Variants in ZC2HC1B observed in about 807,000 individuals in gnomAD.
The protein encoded by ZC2HC1B is zinc finger C2HC domain-containing protein 1B.
In ZC2HC1B, 36 loss-of-function variants were observed where a neutral mutation model predicts 31.0. The ratio of observed to expected loss-of-function variants is 1.16; its 90% CI spans 0.89 to 1.54. The LOEUF (loss-of-function observed/expected upper bound fraction) is 1.54, where lower values mean the gene tolerates loss of function less well. Among genes scored for constraint, ZC2HC1B ranks in the 40% most tolerant of loss-of-function variants. The pLI is 0.00. For missense variants in ZC2HC1B, 260 were observed against 268.6 expected, an observed-to-expected ratio of 0.97 and a Z score of 0.22; for synonymous variants, 73 against 88.0, an observed-to-expected ratio of 0.83 and a Z score of 0.95.
intron 5 of ZC2HC1B, 58 bp from the exon 6 acceptor site, chr6:143,902,986 G>C: frequency 1.4e-6 from 2 of 1,478,926 alleles, no homozygotes; most frequent in South Asian, 1.2e-5. Context: ...CTCCTATGTG[G>C]CACCTGAGGT....
intron 1 of ZC2HC1B, among the ~76,000 whole-genome samples, chr6:143,879,122 A>T (rs1237086009): frequency 6.6e-6 from 1 of 152,146 alleles, no homozygotes; most frequent in Non-Finnish European, 1.5e-5. Context: ...CGCCTGCCTC[A>T]GTTTTAGAGG....
intron 6 of ZC2HC1B, among the ~76,000 whole-genome samples, chr6:143,931,369 G>C (rs1456127108): frequency 6.6e-6 from 1 of 152,132 alleles, no homozygotes; most frequent in Non-Finnish European, 1.5e-5. Context: ...CAAATACCTT[G>C]TGGGTTTTTT....
chr6:143,935,129 G>C (rs1279072428), intron 6 of ZC2HC1B, among the ~76,000 whole-genome samples: 2 of 104,224 alleles, frequency 1.9e-5, no homozygotes, highest in Non-Finnish European at 3.8e-5. Context: ...GGACGCTGCA[G>C]ATGCTGGTGG....
chr6:143,920,811 G>A (rs577523744), intron 6 of ZC2HC1B, among the ~76,000 whole-genome samples: 4 of 151,708 alleles, frequency 2.6e-5, no homozygotes, highest in Non-Finnish European at 5.9e-5. Context: ...GGGAGGCTGA[G>A]GCAGGAGAAT....
At chr6:143,930,598 C>T (rs1043250483) in intron 6 of ZC2HC1B, among the ~76,000 whole-genome samples, 2 of 151,984 alleles carry the variant, frequency 1.3e-5, no homozygotes, top group Admixed American at 6.5e-5. Flanking sequence ...ACCGTGGTCT[C>T]GATCTCCTGA....
At chr6:143,931,627 T>G (rs1778119599) in intron 6 of ZC2HC1B, among the ~76,000 whole-genome samples, 1 of 152,180 alleles carries the variant, frequency 6.6e-6, no homozygotes, top group Non-Finnish European at 1.5e-5. Context: ...CTGGCAATTA[T>G]TTTGTTTGAG....
intron 6 of ZC2HC1B, among the ~76,000 whole-genome samples, chr6:143,916,003 G>A (rs1414630870): frequency 6.6e-6 from 1 of 152,220 alleles, no homozygotes; most frequent in African/African-American, 2.4e-5. Context: ...CCAAGACAAT[G>A]AGGAAAATGT....
Position 143,934,945 on chromosome 6 carries a change from C to T in ZC2HC1B, c.599-2704C>T, listed in dbSNP as rs1562350689. 6.6e-6 allele frequency among the ~76,000 whole-genome samples: 1 copy of T among 152,148 alleles called. No homozygotes were observed. Among genetic ancestry groups the T allele is most frequent in the African/African-American group, 2.4e-5 (1 of 41,424 alleles). On this transcript the variant is annotated intron_variant, in intron 6 of 7. Coordinates refer to ENST00000237275, the MANE Select transcript of ZC2HC1B (RefSeq NM_001013623.3). The surrounding 1 kb of genome is among the most constrained non-coding windows in gnomAD (Gnocchi z 4.6). ...ACCTCCAGATGGCTTGCTCAGGTGC[C>T]AGCAGTGGCGATGGTGGGTGGCTCT...
At chr6:143,890,342 T>A (rs1777584669) in intron 4 of ZC2HC1B, among the ~76,000 whole-genome samples, 1 of 128,292 alleles carries the variant, frequency 7.8e-6, no homozygotes, top group South Asian at 2.4e-4. Flanking sequence ...ATCATCTCAA[T>A]AGAGAAAAAG....
At position 143,938,148 on chromosome 6, in the gene ZC2HC1B, T is replaced by C. The variant is rs1778199559; in HGVS notation, c.*21T>C. ...CTCTTCTTTCTGCTTTCAGACTGCCTCCCTGAAACCCATCAGCCTGGATGG... is the reference window on the plus strand; with the variant it reads ...CTCTTCTTTCTGCTTTCAGACTGCCCCCCTGAAACCCATCAGCCTGGATGG... On this transcript the variant is annotated 3_prime_UTR_variant, in exon 8 of 8. Coordinates refer to ENST00000237275, the MANE Select transcript of ZC2HC1B (RefSeq NM_001013623.3). The surrounding 1 kb of genome is among the most constrained non-coding windows in gnomAD (Gnocchi z 4.2). The C allele has an allele frequency of 6.5e-6, 1 of 153,508 alleles. No homozygotes were observed. The highest frequency in any genetic ancestry group is 2.4e-5 in the African/African-American group (1 of 41,446). 9.5% of individuals were successfully genotyped at this position (153,508 alleles called of 1,614,324 possible). A position where few individuals can be genotyped will look rare whatever the true frequency, so the allele number is the denominator to read the frequency against.
chr6:143,932,882 T>C (rs1335548050), intron 6 of ZC2HC1B, among the ~76,000 whole-genome samples: 2 of 152,158 alleles, frequency 1.3e-5, no homozygotes, highest in Non-Finnish European at 2.9e-5. Flanking sequence ...CCCCTTTCCC[T>C]AGGAGCCAGA....
At position 143,924,616 on chromosome 6, in the gene ZC2HC1B, TC is replaced by T. The variant is rs2128497211; in HGVS notation, c.599-13029del. On this transcript the variant is annotated intron_variant, in intron 6 of 7. Coordinates refer to ENST00000237275, the MANE Select transcript of ZC2HC1B (RefSeq NM_001013623.3). The surrounding 1 kb of genome is among the most constrained non-coding windows in gnomAD (Gnocchi z 5.2). ...GTCTTGTTACAGGTCTTTCAGCTTC[TC>T]CCCACTCAGTATTATGTTAGCTATG... 6.6e-6 allele frequency among the ~76,000 whole-genome samples: 1 copy of T among 152,298 alleles called. No individual in the cohort carries two copies. Among genetic ancestry groups the T allele is most frequent in the South Asian group, 2.1e-4 (1 of 4,820 alleles).
rs967872357 is a variant in ZC2HC1B at position 143,924,659 on chromosome 6, C to T, written c.599-12990C>T. On this transcript the variant is annotated intron_variant, in intron 6 of 7. Transcript: ENST00000237275. This position sits in a 1 kb window ranked among gnomAD's most constrained non-coding sequence, Gnocchi z 5.2. ...TTAGCTATGCATTTGTCAGATATGA[C>T]CTTTACTATGCTGAGGCATGTTTCT... 1.1e-4 allele frequency among the ~76,000 whole-genome samples: 16 copies of T among 152,108 alleles called. 1 individual carries two copies. The highest frequency in any genetic ancestry group is 2.9e-5 in the Non-Finnish European group (2 of 68,016).
chr6:143,897,815 G>A (rs1777684874), intron 4 of ZC2HC1B, among the ~76,000 whole-genome samples: 1 of 152,050 alleles, frequency 6.6e-6, no homozygotes, highest in Non-Finnish European at 1.5e-5. Context: ...ATCTCCCTCT[G>A]TAACTCTGTA....
At chr6:143,893,721 C>G (rs527877812) in intron 4 of ZC2HC1B, among the ~76,000 whole-genome samples, 29 of 152,164 alleles carry the variant, frequency 1.9e-4, no homozygotes, top group African/African-American at 5.8e-4. Context: ...GAGTCTTGCT[C>G]TGTCACCCAG....
chr6:143,928,451 A>G (rs972265666), intron 6 of ZC2HC1B, among the ~76,000 whole-genome samples: 3 of 152,180 alleles, frequency 2.0e-5, no homozygotes, highest in South Asian at 2.1e-4. Context: ...TGGGTCTTCT[A>G]TTCTGTTCTG....
At chr6:143,874,901 C>T (rs1266417749) in intron 1 of ZC2HC1B, among the ~76,000 whole-genome samples, 1 of 152,194 alleles carries the variant, frequency 6.6e-6, no homozygotes, top group African/African-American at 2.4e-5. Context: ...GGCAAAATCT[C>T]AGCTCACTGC....
chr6:143,907,151 T>C (rs971553335), intron 6 of ZC2HC1B, among the ~76,000 whole-genome samples: 5 of 152,254 alleles, frequency 3.3e-5, no homozygotes, highest in Non-Finnish European at 5.9e-5. Flanking sequence ...ATGGTGTATA[T>C]GTACCACATT....
rs576232466 is a variant in ZC2HC1B, at chr6:143,887,056, A to C, written c.349+235A>C. 5.3e-5 allele frequency among the ~76,000 whole-genome samples: 8 copies of C among 152,338 alleles called. 1 individual carries two copies. The highest frequency in any genetic ancestry group is 1.4e-4 in the African/African-American group (6 of 41,570). On this transcript the variant is annotated intron_variant, in intron 4 of 7. Transcript: ENST00000237275. This position sits in a 1 kb window ranked among gnomAD's most constrained non-coding sequence, Gnocchi z 5.1. ...TGTGCTGTAGTATTACATGACTCCA[A>C]GAAACACCAGACACCTCTTAGCCGA...
Sources: allele counts gnomAD v4.1 joint callset (sites outside exome capture counted in the v4.1 genomes callset), GRCh38; gene constraint gnomAD v4.1.1; non-coding constraint Gnocchi (gnomAD v3.1); transcripts MANE v1.5; gene names NCBI Gene and HGNC (gene_info 2026-07-23, HGNC 2026-07-21).